The following STYK1 variants were observed in gnomAD, a reference collection of about 807,000 sequenced individuals.
The protein encoded by STYK1 is STY kinase 1.
STYK1 carries 46 observed loss-of-function variants against 48.1 expected under a neutral mutation model. That is an observed-to-expected ratio of 0.96 (90% CI 0.75 to 1.22). The LOEUF is 1.22. Among genes scored for constraint, STYK1 ranks in the 50% most tolerant of loss-of-function variants. The pLI, the probability that STYK1 is intolerant of heterozygous loss-of-function variation, is 0.00. For missense variants in STYK1, 527 were observed against 521.1 expected (o/e 1.01, Z -0.11); for synonymous variants, 188 against 189.0 (o/e 0.99, Z 0.04).
At chr12:10,635,196 T>G (rs1026723540) in intron 2 of STYK1, among the ~76,000 whole-genome samples, 4 of 152,220 alleles carry the variant, frequency 2.6e-5, no homozygotes, top group Admixed American at 6.5e-5. Flanking sequence ...GCATGGCTCA[T>G]TTAAATCTCA....
chr12:10,623,630 T>G (rs1257996917), intron 8 of STYK1, among the ~76,000 whole-genome samples: 1 of 152,180 alleles, frequency 6.6e-6, no homozygotes, highest in Non-Finnish European at 1.5e-5. Flanking sequence ...AAGTTGAATG[T>G]TTTGAAAATG....
At chr12:10,651,460 T>G (rs1267645576) in intron 1 of STYK1, among the ~76,000 whole-genome samples, 1 of 152,154 alleles carries the variant, frequency 6.6e-6, no homozygotes, top group Non-Finnish European at 1.5e-5. Flanking sequence ...GTAAATTGGG[T>G]TTGCAATATT....
intron 1 of STYK1, among the ~76,000 whole-genome samples, chr12:10,649,167 TGAA>T (rs1256924432): frequency 1.3e-5 from 2 of 152,098 alleles, no homozygotes; most frequent in Admixed American, 6.5e-5. Context: ...TTCATGGACT[TGAA>T]GGAGGAGAAA....
Position 10,622,798 on chromosome 12 carries a change from G to A in STYK1, c.927-120C>T, listed in dbSNP as rs574115583. ...GAAAAAGGCAATGAAGGAGAATCAA[G>A]GATGAGTGTCTGAAAAACAAAATAA... On this transcript the variant is annotated intron_variant, in intron 8 of 10. Transcript: ENST00000075503. 1.6e-3 allele frequency: 1,834 copies of A among 1,168,950 alleles called. 4 individuals are homozygous for A. The highest frequency in any genetic ancestry group is 2.1e-3 in the Non-Finnish European group (1,735 of 816,258). 72.4% of individuals were successfully genotyped at this position (1,168,950 alleles called of 1,614,324 possible).
intron 8 of STYK1, among the ~76,000 whole-genome samples, chr12:10,624,436 A>T (rs915871155): frequency 3.3e-5 from 5 of 152,018 alleles, no homozygotes; most frequent in Non-Finnish European, 7.4e-5. Flanking sequence ...AAAAGAAAAG[A>T]AGAAAAGAAA....
intron 1 of STYK1, among the ~76,000 whole-genome samples, chr12:10,646,266 A>G (rs983146925): frequency 6.6e-6 from 1 of 152,202 alleles, no homozygotes; most frequent in African/African-American, 2.4e-5. Context: ...AATGACTTTG[A>G]CCAAAAGGCC....
At position 10,625,202 on chromosome 12, in the gene STYK1, CTTTTTTTGTTTG is replaced by C. The variant is rs1032503960; in HGVS notation, c.718-355_718-344del. On this transcript the variant is annotated intron_variant, in intron 7 of 10. Coordinates refer to ENST00000075503, the MANE Select transcript of STYK1 (RefSeq NM_018423.3). ...AAGGGAGTAGATTCCAAGTTTCTTT[CTTTTTTTGTTTG>C]TTTGTTTGTTTGTTTGTTTGTTTGA... Among the ~76,000 whole-genome samples the C allele has an allele frequency of 2.0e-4, 24 of 122,210 alleles. No individual in the cohort carries two copies. The East Asian group carries it at 2.8e-3, about 14-fold the overall frequency. 80.2% of individuals were successfully genotyped at this position (122,210 alleles called of 152,430 possible). A position where few individuals can be genotyped will look rare whatever the true frequency, so the allele number is the denominator to read the frequency against.
Position 10,634,749 on chromosome 12 carries a change from C to G in STYK1, c.-68-63G>C, listed in dbSNP as rs1947467833. Reference sequence around the variant, plus strand: ...TGAAAAAAAATAAATGAAGTACACACAGAATTTTAAACCGCCTCTACAGAT... The same window carrying G: ...TGAAAAAAAATAAATGAAGTACACAGAGAATTTTAAACCGCCTCTACAGAT... On this transcript the variant is annotated intron_variant, in intron 2 of 10. Transcript: ENST00000075503. 2.5e-5 allele frequency: 27 copies of G among 1,071,392 alleles called. No homozygotes were observed. In the South Asian group the frequency reaches 3.3e-4, roughly 13 times the overall value. 66.4% of individuals were successfully genotyped at this position (1,071,392 alleles called of 1,614,324 possible). A position where few individuals can be genotyped will look rare whatever the true frequency, so the allele number is the denominator to read the frequency against.
chr12:10,653,804 CG>C (rs1241402540), intron 1 of STYK1, among the ~76,000 whole-genome samples: 6 of 152,286 alleles, frequency 3.9e-5, no homozygotes, highest in Admixed American at 3.9e-4. Context: ...GGAACAAAAA[CG>C]TGGCACTGCA....
intron 1 of STYK1, 81 bp downstream of exon 1, chr12:10,673,884 TC>T: frequency 6.5e-6 from 1 of 152,692 alleles, no homozygotes; most frequent in Non-Finnish European, 1.5e-5. Flanking sequence ...TGCAAAGTCC[TC>T]CCCCAGCTGC....
chr12:10,650,661 T>C (rs1947652723), intron 1 of STYK1, among the ~76,000 whole-genome samples: 1 of 152,148 alleles, frequency 6.6e-6, no homozygotes, highest in African/African-American at 2.4e-5. Flanking sequence ...CCCAAAGACT[T>C]GCTAAATGTT....
intron 1 of STYK1, among the ~76,000 whole-genome samples, chr12:10,662,449 G>A (rs1007576340): frequency 2.0e-4 from 30 of 152,338 alleles, no homozygotes; most frequent in Non-Finnish European, 3.8e-4. Flanking sequence ...GTGTTTTAAA[G>A]TGAGTGCATC....
intron 1 of STYK1, among the ~76,000 whole-genome samples, chr12:10,667,629 C>T (rs149026165): frequency 6.0e-4 from 92 of 152,124 alleles, no homozygotes; most frequent in African/African-American, 2.2e-3. Context: ...GACTCCATCT[C>T]AAAAAACAAA....
chr12:10,621,969 GCTC>G lies in STYK1; in HGVS notation c.968_970del (p.Gly323del). 6.2e-7 allele frequency: 1 copy of G among 1,612,982 alleles called. No individual in the cohort carries two copies. The highest frequency in any genetic ancestry group is 8.5e-7 in the Non-Finnish European group (1 of 1,179,336). ...AGGAGGGACTTCAGGATACGGTGGT[GCTC>G]CTGTCATTACGAAAATAATGAGAAC... On this transcript the variant is annotated inframe_deletion and splice_region_variant, in exon 10 of 11. Transcript: ENST00000075503.
chr12:10,657,433 G>C (rs1947731165), intron 1 of STYK1, among the ~76,000 whole-genome samples: 2 of 152,102 alleles, frequency 1.3e-5, no homozygotes, highest in African/African-American at 4.8e-5. Context: ...TAAATATTTT[G>C]TCAGAAAAAT....
intron 1 of STYK1, among the ~76,000 whole-genome samples, chr12:10,662,636 G>A (rs1947789537): frequency 6.6e-6 from 1 of 152,086 alleles, no homozygotes; most frequent in South Asian, 2.1e-4. Context: ...CTTTTCATGT[G>A]CTCATTGGCC....
chr12:10,621,170 G>T (rs897881), intron 10 of STYK1, among the ~76,000 whole-genome samples: 120,000 of 152,194 alleles, frequency 0.79, 47,546 homozygotes, highest in East Asian at 0.99. Flanking sequence ...TGCTGCCTCC[G>T]TATACACAAT....
At chr12:10,657,338 G>C (rs1037669344) in intron 1 of STYK1, among the ~76,000 whole-genome samples, 9 of 152,162 alleles carry the variant, frequency 5.9e-5, no homozygotes, top group African/African-American at 1.9e-4. Flanking sequence ...TGGATCTTCT[G>C]TCTGTTGTGT....
intron 1 of STYK1, among the ~76,000 whole-genome samples, chr12:10,663,365 C>A (rs1947797635): frequency 6.6e-6 from 1 of 152,090 alleles, no homozygotes; most frequent in African/African-American, 2.4e-5. Flanking sequence ...GTTATCCCAG[C>A]ACTTTGGGAG....
Sources: allele counts gnomAD v4.1 joint callset (sites outside exome capture counted in the v4.1 genomes callset), GRCh38; gene constraint gnomAD v4.1.1; transcripts MANE v1.5; gene names NCBI Gene and HGNC (gene_info 2026-07-23, HGNC 2026-07-21).